The following MUTYH variants were observed in gnomAD, a reference collection of about 807,000 sequenced individuals.
MUTYH encodes the protein mutY DNA glycosylase, also known as adenine DNA glycosylase.
Under a neutral mutation model 72.9 loss-of-function variants are expected in MUTYH, and 64 were observed. That is an observed-to-expected ratio of 0.88 (90% CI 0.72 to 1.08). MUTYH has a LOEUF of 1.08. Among genes scored for constraint, MUTYH ranks in the 50% least tolerant of loss-of-function variants. The pLI is 0.00. For synonymous variants in MUTYH, 234 were observed against 263.1 expected (o/e 0.89, Z 1.07); for missense variants, 633 against 671.0 (o/e 0.94, Z 0.63).
rs1557485553 is a variant in MUTYH at position 45,333,429 on chromosome 1, A to G, written c.248T>C (p.Leu83Pro). The part of the protein sequence containing the change: ...LSWYDQEKRD[L>P]PWRRRAEDEM... ...CCTGCCTACCCGTCTTCTCCATGGT[A>G]GGTCCCGTTTCTCTTGGTCGTACCA... The change falls in exon 3 of 16, where the codon CTA (leucine) becomes CCA (proline). Residue 83 changes from leucine to proline, a missense_variant. Transcript: ENST00000456914. 2 of 1,614,196 alleles carry G rather than the reference A, an allele frequency of 1.2e-6. No homozygotes were observed. The highest frequency in any genetic ancestry group is 1.7e-6 in the Non-Finnish European group (2 of 1,180,026).
intron 15 of MUTYH, 87 bp from the exon 16 acceptor site, chr1:45,329,524 C>T: frequency 6.5e-7 from 1 of 1,532,140 alleles, no homozygotes; most frequent in Non-Finnish European, 8.9e-7. Flanking sequence ...CTTTCCCCGA[C>T]TCTACTGATC....
rs369973885 is a variant in MUTYH at position 45,332,166 on chromosome 1, T to C, written c.849A>G (p.Arg283=). ...ACTGCCCCTTCCCCAGTAGGCTTAC[T>C]CTCTGGCGTGCCCGGCACAGGCTCT... ...PVESLCRARQ[R]VEQEQLLASG... is the part of the protein sequence containing the mutation. The change falls in exon 10 of 16, where the codon AGA becomes AGG. Residue 283 remains arginine, a splice_region_variant and synonymous_variant. Transcript: ENST00000456914. 6.2e-7 allele frequency: 1 copy of C among 1,614,034 alleles called. No homozygotes were observed. Among genetic ancestry groups the C allele is most frequent in the African/African-American group, 1.3e-5 (1 of 74,924 alleles).
chr1:45,339,219 T>TTC (rs1646506594), intron 1 of MUTYH, among the ~76,000 whole-genome samples: 1 of 149,916 alleles, frequency 6.7e-6, no homozygotes, highest in Non-Finnish European at 1.5e-5. Flanking sequence ...TTTTTTTTTT[T>TTC]TTTTTTTTGA....
chr1:45,332,841 G>A lies in MUTYH; in HGVS notation c.421-7C>T, dbSNP rs1553129112. 1 of 1,614,196 alleles carries A rather than the reference G, an allele frequency of 6.2e-7. No individual in the cohort carries two copies. The highest frequency in any genetic ancestry group is 8.5e-7 in the Non-Finnish European group (1 of 1,180,028). ...CCCAGAGTTGATTCACCTCCTGTGG[G>A]TAGGATCAGAGGTCAAAGAGATCAC... is the stretch of plus-strand genomic sequence containing the variant. On this transcript the variant is annotated splice_polypyrimidine_tract_variant and splice_region_variant and intron_variant, in intron 6 of 15. Transcript: ENST00000456914.
chr1:45,334,934 T>TAGTAGTCATTAAGTCC (rs1553131962), intron 1 of MUTYH, among the ~76,000 whole-genome samples: 2 of 152,186 alleles, frequency 1.3e-5, no homozygotes, highest in Non-Finnish European at 2.9e-5. Context: ...AAACAGCCTG[T>TAGTAGTCATTAAGTCC]AGTAGTCATT....
upstream of MUTYH, chr1:45,340,071 G>A: frequency 1.3e-6 from 2 of 1,544,932 alleles, no homozygotes; most frequent in South Asian, 2.4e-5. Context: ...AGGCCAATAG[G>A]CAATTAGCGC....
At position 45,332,087 on chromosome 1, in the gene MUTYH, C is replaced by T; in HGVS notation, c.850-1G>A. The stretch of plus-strand genomic sequence containing the variant: ...AGGCTAAGAGCTGTTCCTGCTCCAC[C>T]TGAGAGGCACAGGGTTGAGTGTCAT... On this transcript the variant is annotated splice_acceptor_variant, in intron 10 of 15. Transcript: ENST00000456914. LOFTEE classifies it high-confidence loss of function. 6.2e-7 allele frequency: 1 copy of T among 1,614,228 alleles called. No homozygotes were observed. Among genetic ancestry groups the T allele is most frequent in the Non-Finnish European group, 8.5e-7 (1 of 1,180,028 alleles).
intron 1 of MUTYH, chr1:45,338,391 T>TC (rs1405330462): frequency 1.3e-5 from 6 of 449,156 alleles, no homozygotes; most frequent in Non-Finnish European, 2.6e-5. Context: ...TTTCCTCTGT[T>TC]TGGACTCTTT....
intron 15 of MUTYH, 80 bp from the exon 16 acceptor site, chr1:45,329,517 TC>T: frequency 6.4e-7 from 1 of 1,557,672 alleles, no homozygotes; most frequent in Non-Finnish European, 8.8e-7. Flanking sequence ...TCTCTCCCTT[TC>T]CCCGACTCTA....
At chr1:45,338,240 C>G (rs1204946115) in intron 1 of MUTYH, 2 of 532,538 alleles carry the variant, frequency 3.8e-6, no homozygotes, top group Admixed American at 4.5e-5. Context: ...AGAAGGCAGT[C>G]CTCTTACTAC....
intron 1 of MUTYH, among the ~76,000 whole-genome samples, chr1:45,339,009 C>T (rs1001144609): frequency 3.9e-5 from 6 of 152,016 alleles, no homozygotes; most frequent in Admixed American, 3.9e-4. Flanking sequence ...TCAAGCGATC[C>T]TCCCACCTTG....
intron 11 of MUTYH, 36 bp downstream of exon 11, chr1:45,331,987 G>C (rs2149132543): frequency 6.2e-7 from 1 of 1,614,126 alleles, no homozygotes; most frequent in Non-Finnish European, 8.5e-7. Context: ...GACTGGGCCA[G>C]GAAGGGTTGG....
chr1:45,336,540 A>AC (rs1645923967), intron 1 of MUTYH, among the ~76,000 whole-genome samples: 1 of 145,370 alleles, frequency 6.9e-6, no homozygotes, highest in African/African-American at 2.6e-5. Flanking sequence ...TCTCCCCCCC[A>AC]CCCTTAAGAA....
upstream of MUTYH, chr1:45,340,006 C>T: frequency 1.3e-6 from 2 of 1,538,690 alleles, no homozygotes; most frequent in Admixed American, 2.0e-5. Flanking sequence ...CCCGGCTTTC[C>T]GGCGCACTCC....
rs587780080 is a variant in MUTYH, at chr1:45,329,386, T to A, written c.1486A>T (p.Met496Leu). The A allele has an allele frequency of 1.5e-5, 24 of 1,614,060 alleles. No individual in the cohort carries two copies. Among genetic ancestry groups the A allele is most frequent in the African/African-American group, 2.7e-5 (2 of 74,930 alleles). ...SSPCSRKKPR[M>L]GQQVLDNFFR... ...AAATTATCCAGGACTTGCTGGCCCATGCGGGGCTTTTTCCGACTGCACGGA... is the reference window on the plus strand; with the variant it reads ...AAATTATCCAGGACTTGCTGGCCCAAGCGGGGCTTTTTCCGACTGCACGGA... The change falls in exon 16 of 16, where the codon ATG becomes TTG. Residue 496 changes from methionine to leucine, a missense_variant. Transcript: ENST00000456914.
In MUTYH at chr1:45,331,453, G is replaced by A. The variant is rs752408891; in HGVS notation, c.1206C>T (p.Pro402=). 181 of 1,614,122 alleles carry A rather than the reference G, an allele frequency of 1.1e-4. 1 individual carries two copies. The South Asian group carries it at 1.9e-3, about 17-fold the overall frequency. The change falls in exon 13 of 16, where the codon CCC becomes CCT. Residue 402 remains proline (P), a synonymous_variant. Coordinates refer to ENST00000456914, the MANE Select transcript of MUTYH (RefSeq NM_001048174.2). Reference sequence around the variant, plus strand: ...GGTGCCGGAGGTGCGTGGCTGGGAGGGGCCCAGCCCAACGCTGTAGTTCCT... The same window carrying A: ...GGTGCCGGAGGTGCGTGGCTGGGAGAGGCCCAGCCCAACGCTGTAGTTCCT... ...LLQELQRWAG[P]LPATHLRHLG... is the part of the protein sequence containing the mutation.
chr1:45,330,381 A>G (rs1644587238), intron 15 of MUTYH, 135 bp downstream of exon 15: 4 of 1,040,834 alleles, frequency 3.8e-6, no homozygotes, highest in South Asian at 1.4e-5. Context: ...GAAGGTCTCC[A>G]GGTCAAGAAC....
In MUTYH at chr1:45,331,175, G is replaced by A. The variant is rs1570361183; in HGVS notation, c.1392+7C>T. Reference sequence around the variant, plus strand: ...AGGAAGTACAACAAAGACAACAAAGGTAGTGCCTTTTTCATGGCGGTGGAA... The same window carrying A: ...AGGAAGTACAACAAAGACAACAAAGATAGTGCCTTTTTCATGGCGGTGGAA... On this transcript the variant is annotated splice_region_variant and intron_variant, in intron 14 of 15. Transcript: ENST00000456914. 6.2e-7 allele frequency: 1 copy of A among 1,614,164 alleles called. No individual in the cohort carries two copies. The highest frequency in any genetic ancestry group is 1.3e-5 in the African/African-American group (1 of 75,040).
chr1:45,330,485 G>A, intron 15 of MUTYH, 31 bp downstream of exon 15: 3 of 1,601,588 alleles, frequency 1.9e-6, no homozygotes, highest in Non-Finnish European at 8.5e-7. Flanking sequence ...GGCCTGGGGA[G>A]ACACGGTTGG....
Sources: allele counts gnomAD v4.1 joint callset (sites outside exome capture counted in the v4.1 genomes callset), GRCh38; gene constraint gnomAD v4.1.1; transcripts MANE v1.5; gene names NCBI Gene and HGNC (gene_info 2026-07-23, HGNC 2026-07-21).